TMEM132D: variants seen among roughly 807,000 people sequenced by gnomAD.
TMEM132D encodes the protein transmembrane protein 132D.
A neutral mutation model predicts 62.3 loss-of-function variants in TMEM132D; 21 were observed. That is an observed-to-expected ratio of 0.34 (90% confidence interval 0.24 to 0.49). The LOEUF (loss-of-function observed/expected upper bound fraction) is 0.49, where lower values mean the gene tolerates loss of function less well. Ranked by LOEUF, TMEM132D falls within the 20% of genes least tolerant of loss-of-function variation. The pLI is 0.99. For synonymous variants in TMEM132D, 621 were observed against 575.6 expected (o/e 1.08, Z -1.13); for missense variants, 1,346 against 1,402.8 (o/e 0.96, Z 0.65).
At chr12:129,475,288 A>T (rs917732951) in intron 3 of TMEM132D, among the ~76,000 whole-genome samples, 12 of 152,192 alleles carry the variant, frequency 7.9e-5, no homozygotes, top group African/African-American at 2.9e-4. Flanking sequence ...AAAGAAGGCC[A>T]CTGTGGCCGG....
chr12:129,104,621 GA>G (rs1875427132), intron 5 of TMEM132D, among the ~76,000 whole-genome samples: 2 of 151,660 alleles, frequency 1.3e-5, no homozygotes, highest in Admixed American at 1.3e-4. Flanking sequence ...CAAAATGGGA[GA>G]AAATTTTCAC....
chr12:129,445,402 C>T (rs977714973), intron 3 of TMEM132D, among the ~76,000 whole-genome samples: 10 of 152,084 alleles, frequency 6.6e-5, no homozygotes, highest in African/African-American at 2.2e-4. Flanking sequence ...CCACAACAAA[C>T]CCCCAAGATA....
chr12:129,138,053 G>A (rs114821389), intron 5 of TMEM132D, among the ~76,000 whole-genome samples: 1,535 of 151,904 alleles, frequency 0.01, 28 homozygotes, highest in African/African-American at 0.035. Context: ...TTTAATTTGG[G>A]GATCACAAAT....
In TMEM132D at chr12:129,277,433, T is replaced by C. The variant is rs1881033132; in HGVS notation, c.1299+60201A>G. 6.6e-6 allele frequency among the ~76,000 whole-genome samples: 1 copy of C among 152,228 alleles called. No individual in the cohort carries two copies. The highest frequency in any genetic ancestry group is 1.5e-5 in the Non-Finnish European group (1 of 68,042). On this transcript the variant is annotated intron_variant, in intron 4 of 8. Transcript: ENST00000422113. This position sits in a 1 kb window ranked among gnomAD's most constrained non-coding sequence, Gnocchi z 4.2. Reference sequence around the variant, plus strand: ...TAAATTTGTCGAGGAAAGAAAAGGATACCATTTCAACGGCTGTCCAGTTTT... The same window carrying C: ...TAAATTTGTCGAGGAAAGAAAAGGACACCATTTCAACGGCTGTCCAGTTTT...
intron 1 of TMEM132D, among the ~76,000 whole-genome samples, chr12:129,795,037 T>C (rs777191421): frequency 7.9e-5 from 12 of 152,314 alleles, no homozygotes; most frequent in Middle Eastern, 3.4e-3. Context: ...TGTGTGTGTA[T>C]TGCTTTAATA....
At chr12:129,459,198 C>T (rs533720912) in intron 3 of TMEM132D, among the ~76,000 whole-genome samples, 3 of 152,232 alleles carry the variant, frequency 2.0e-5, no homozygotes, top group East Asian at 3.9e-4. Flanking sequence ...GAAATGAGGG[C>T]AGAGTGAGGC....
intron 3 of TMEM132D, among the ~76,000 whole-genome samples, chr12:129,443,548 G>C (rs1017981627): frequency 6.6e-6 from 1 of 152,076 alleles, no homozygotes; most frequent in African/African-American, 2.4e-5. Context: ...TGGACTTGTT[G>C]TCCCTGGCTC....
At chr12:129,809,848 T>TA (rs998155528) in intron 1 of TMEM132D, among the ~76,000 whole-genome samples, 1 of 152,116 alleles carries the variant, frequency 6.6e-6, no homozygotes, top group Non-Finnish European at 1.5e-5. Context: ...GGACTTATCA[T>TA]AAAAAACCCT....
intron 3 of TMEM132D, among the ~76,000 whole-genome samples, chr12:129,443,746 G>A (rs1006328862): frequency 2.0e-5 from 3 of 152,080 alleles, no homozygotes; most frequent in Non-Finnish European, 2.9e-5. Context: ...TTCTGTGCAC[G>A]TAGTTCAGAG....
intron 1 of TMEM132D, among the ~76,000 whole-genome samples, chr12:129,897,380 G>T (rs1875177706): frequency 6.6e-6 from 1 of 152,066 alleles, no homozygotes; most frequent in South Asian, 2.1e-4. Flanking sequence ...ATTTCCCAGA[G>T]ACCACTGATG....
At chr12:129,478,086 G>A (rs1358240800) in intron 3 of TMEM132D, among the ~76,000 whole-genome samples, 2 of 152,172 alleles carry the variant, frequency 1.3e-5, no homozygotes, top group Non-Finnish European at 2.9e-5. Flanking sequence ...ACAATGATAA[G>A]TACTTGTCTA....
chr12:129,853,766 A>T (rs1313155903), intron 1 of TMEM132D: 1 of 152,094 alleles, frequency 6.6e-6, no homozygotes, highest in African/African-American at 2.4e-5. Flanking sequence ...CATTGGACTC[A>T]GTTTCCGTAG....
At chr12:129,145,517 C>T (rs764068116) in intron 5 of TMEM132D, among the ~76,000 whole-genome samples, 2 of 152,068 alleles carry the variant, frequency 1.3e-5, no homozygotes, top group African/African-American at 4.8e-5. Flanking sequence ...GTATGGCATC[C>T]GTGATCGCAA....
rs1363110325 is a variant in TMEM132D, at chr12:129,209,682, C to T, written c.1300-19G>A. ...CTGCCTCCTGGAAGACCAAACACAC[C>T]CTTCCATCACATCCCCTCCTGAGAC... is the stretch of plus-strand genomic sequence containing the variant. On this transcript the variant is annotated intron_variant, in intron 4 of 8. Transcript: ENST00000422113. 6.2e-7 allele frequency: 1 copy of T among 1,613,662 alleles called. No homozygotes were observed. The highest frequency in any genetic ancestry group is 8.5e-7 in the Non-Finnish European group (1 of 1,179,726).
At chr12:129,623,821 A>G (rs185539) in intron 2 of TMEM132D, among the ~76,000 whole-genome samples, 3,100 of 151,792 alleles carry the variant, frequency 0.02, 116 homozygotes, top group African/African-American at 0.072. Context: ...CAGTTGATGG[A>G]CACTTAAGTT....
At chr12:129,116,732 T>C (rs559716816) in intron 5 of TMEM132D, among the ~76,000 whole-genome samples, 14 of 152,092 alleles carry the variant, frequency 9.2e-5, no homozygotes, top group African/African-American at 3.4e-4. Flanking sequence ...TCCAAAATAC[T>C]GACAACACAA....
chr12:129,763,730 T>C lies in TMEM132D; in HGVS notation c.80-63032A>G, dbSNP rs539632661. ...CCAATGGGGTTCAATGATGAGTTGC[T>C]TTACAGTCACCATGGACCCCCAAGG... On this transcript the variant is annotated intron_variant, in intron 1 of 8. Transcript: ENST00000422113. 1.1e-3 allele frequency among the ~76,000 whole-genome samples: 105 copies of C among 91,652 alleles called. No homozygotes were observed. The South Asian group carries it at 0.022, about 19-fold the overall frequency. The allele number at this position is 91,652 out of a possible 152,430, so 60.1% of individuals were successfully genotyped here.
chr12:129,228,446 CCA>C (rs1566004428), intron 4 of TMEM132D, among the ~76,000 whole-genome samples: 1 of 152,090 alleles, frequency 6.6e-6, no homozygotes, highest in African/African-American at 2.4e-5. Context: ...TGCAGTATTA[CCA>C]CAGTCAATTT....
At chr12:129,146,979 A>G (rs1239712395) in intron 5 of TMEM132D, among the ~76,000 whole-genome samples, 3 of 152,108 alleles carry the variant, frequency 2.0e-5, no homozygotes, top group East Asian at 1.9e-4. Flanking sequence ...AAACCTAGCA[A>G]TTTGGCTCTG....
Sources: gnomAD v4.1 joint callset for allele counts (sites outside exome capture counted in the v4.1 genomes callset) on GRCh38, gnomAD v4.1.1 for gene constraint, Gnocchi (gnomAD v3.1) non-coding constraint, MANE v1.5 for transcripts, NCBI Gene and HGNC (gene_info 2026-07-23, HGNC 2026-07-21) for gene names.